The following EPHB2 variants were observed in gnomAD, a reference collection of about 807,000 sequenced individuals.
The protein encoded by EPHB2 is ephrin type-B receptor 2.
Under a neutral mutation model 96.4 loss-of-function variants are expected in EPHB2, and 18 were observed. The observed-to-expected ratio is 0.19, with a 90% CI of 0.13 to 0.28. The LOEUF (loss-of-function observed/expected upper bound fraction) is 0.28. Ranked by LOEUF, EPHB2 falls within the 10% of genes least tolerant of loss-of-function variation. The probability of loss-of-function intolerance (pLI) is 1.00; values close to 1 mark genes in which losing one functional copy is unlikely to be tolerated. For missense variants in EPHB2, 989 were observed against 1,355.4 expected, an observed-to-expected ratio of 0.73 and a Z score of 4.25; for synonymous variants, 506 against 534.1, an observed-to-expected ratio of 0.95 and a Z score of 0.72.
intron 1 of EPHB2, chr1:22,775,172 T>TA (rs1422326175): frequency 1.3e-6 from 1 of 779,570 alleles, no homozygotes; most frequent in Non-Finnish European, 2.4e-6. Flanking sequence ...CATGGCATCT[T>TA]AAAAATAACA....
At chr1:22,785,228 C>G in intron 3 of EPHB2, 152 bp downstream of exon 3, 3 of 998,140 alleles carry the variant, frequency 3.0e-6, no homozygotes, top group Non-Finnish European at 4.3e-6. Context: ...AACCATCGTT[C>G]AGCTTCTTAG....
intron 6 of EPHB2, among the ~76,000 whole-genome samples, chr1:22,891,677 GA>G (rs1409878177): frequency 6.6e-6 from 1 of 152,166 alleles, no homozygotes; most frequent in Non-Finnish European, 1.5e-5. Context: ...TAACATTCAG[GA>G]AGCCAAAATT....
intron 3 of EPHB2, among the ~76,000 whole-genome samples, chr1:22,817,152 C>T (rs531142025): frequency 4.7e-4 from 71 of 152,346 alleles, no homozygotes; most frequent in Admixed American, 1.2e-3. Context: ...ACCAGGCCTG[C>T]TCCCTCCACA....
chr1:22,780,810 C>A (rs139106659), intron 1 of EPHB2, among the ~76,000 whole-genome samples: 10 of 152,226 alleles, frequency 6.6e-5, no homozygotes, highest in Non-Finnish European at 1.5e-4. Flanking sequence ...CTAGACTGGC[C>A]TAGAGGTAGA....
chr1:22,734,972 A>T (rs1643794815), intron 1 of EPHB2, among the ~76,000 whole-genome samples: 1 of 152,196 alleles, frequency 6.6e-6, no homozygotes, highest in African/African-American at 2.4e-5. Flanking sequence ...GATGGTTTAC[A>T]TACATTATCT....
chr1:22,802,126 G>T (rs535913818), intron 3 of EPHB2, among the ~76,000 whole-genome samples: 1 of 152,070 alleles, frequency 6.6e-6, no homozygotes, highest in Non-Finnish European at 1.5e-5. Flanking sequence ...GAGGGGGCCC[G>T]CCCAGTGTTG....
At chr1:22,791,151 C>T (rs1040528522) in intron 3 of EPHB2, among the ~76,000 whole-genome samples, 5 of 151,928 alleles carry the variant, frequency 3.3e-5, no homozygotes, top group African/African-American at 1.2e-4. Context: ...AGATTAAGGA[C>T]TTTTATGAAC....
rs969702593 is a variant in EPHB2, at chr1:22,784,454, C to A, written c.189C>A (p.Asn63Lys). 1.9e-6 allele frequency: 3 copies of A among 1,614,190 alleles called. No individual in the cohort carries two copies. Among genetic ancestry groups the A allele is most frequent in the South Asian group, 1.1e-5 (1 of 91,088 alleles). The part of the protein sequence containing the change: ...MNTIRTYQVC[N>K]VFESSQNNWL... Reference sequence around the variant, plus strand: ...CGATCCGCACGTACCAGGTGTGCAACGTGTTTGAGTCAAGCCAGAACAACT... The same window carrying A: ...CGATCCGCACGTACCAGGTGTGCAAAGTGTTTGAGTCAAGCCAGAACAACT... The change falls in exon 3 of 16, where the codon AAC becomes AAA. Residue 63 changes from asparagine to lysine, a missense_variant. Physicochemically the swap from Asn to Lys is moderately conservative, Grantham distance 94. Coordinates refer to ENST00000374630, the MANE Select transcript of EPHB2 (RefSeq NM_017449.5). This position sits in a 1 kb window ranked among gnomAD's most constrained non-coding sequence, Gnocchi z 5.1.
chr1:22,864,787 G>A, intron 4 of EPHB2, 90 bp from the exon 5 acceptor site: 5 of 799,296 alleles, frequency 6.3e-6, no homozygotes, highest in Non-Finnish European at 1.0e-5. Context: ...CTTTCAGAGG[G>A]GCTGAGCCAG....
chr1:22,794,466 C>T (rs1384459503), intron 3 of EPHB2, among the ~76,000 whole-genome samples: 2 of 152,092 alleles, frequency 1.3e-5, no homozygotes, highest in East Asian at 1.9e-4. Context: ...AATGCTCACC[C>T]GGATGGGCCG....
chr1:22,891,027 G>C (rs945347276), intron 6 of EPHB2: 1 of 454,378 alleles, frequency 2.2e-6, no homozygotes, highest in South Asian at 1.6e-5. Context: ...ATGTCCCTCG[G>C]TATGTGCTTA....
chr1:22,874,618 T>C (rs1371105238), intron 5 of EPHB2, among the ~76,000 whole-genome samples: 1 of 152,118 alleles, frequency 6.6e-6, no homozygotes, highest in Non-Finnish European at 1.5e-5. Context: ...TCTCTTCCTT[T>C]CCTCATTGGT....
In EPHB2 at chr1:22,913,225, C is replaced by G. The variant is rs564592428; in HGVS notation, c.2853-237C>G. 7.3e-5 allele frequency: 43 copies of G among 589,864 alleles called. No individual in the cohort carries two copies. Among genetic ancestry groups the G allele is most frequent in the South Asian group, 2.0e-5 (1 of 50,318 alleles). The allele number at this position is 589,864 out of a possible 1,614,324, so 36.5% of individuals were successfully genotyped here. ...AAAGAAAATGTAAGCTGGCTTCCCC[C>G]TCCCAATAGCAGGGGAGAGAAGGCC... On this transcript the variant is annotated intron_variant, in intron 15 of 15. Coordinates refer to ENST00000374630, the MANE Select transcript of EPHB2 (RefSeq NM_017449.5). This position sits in a 1 kb window ranked among gnomAD's most constrained non-coding sequence, Gnocchi z 4.1.
chr1:22,750,318 A>T (rs887960820), intron 1 of EPHB2, among the ~76,000 whole-genome samples: 1 of 152,132 alleles, frequency 6.6e-6, no homozygotes, highest in Non-Finnish European at 1.5e-5. Context: ...GGAGCAGGAG[A>T]GATGGGCTGG....
chr1:22,826,982 T>C (rs934268149), intron 3 of EPHB2, among the ~76,000 whole-genome samples: 4 of 152,250 alleles, frequency 2.6e-5, no homozygotes, highest in African/African-American at 7.2e-5. Context: ...GACCTCCAGT[T>C]GATCTTTGCT....
At chr1:22,825,955 G>A (rs1215517430) in intron 3 of EPHB2, among the ~76,000 whole-genome samples, 5 of 152,234 alleles carry the variant, frequency 3.3e-5, no homozygotes, top group Non-Finnish European at 5.9e-5. Flanking sequence ...GTCCCAGAGT[G>A]GCTGGGAGCT....
intron 11 of EPHB2, 135 bp downstream of exon 11, chr1:22,907,092 T>G (rs545099050): frequency 1.8e-4 from 227 of 1,248,438 alleles, no homozygotes; most frequent in Admixed American, 9.8e-4. Flanking sequence ...GCTGTCACTT[T>G]CCATTCCCTT....
Position 22,913,575 on chromosome 1 carries a change from C to T in EPHB2, c.*5C>T. ...ATTCAGTCTGTGGAGGTTTGACATT[C>T]ACCTGCCTCGGCTCACCTCTTCCTC... On this transcript the variant is annotated 3_prime_UTR_variant, in exon 16 of 16. Transcript: ENST00000374630. The surrounding 1 kb of genome is among the most constrained non-coding windows in gnomAD (Gnocchi z 4.1). 1 of 1,614,114 alleles carries T rather than the reference C, an allele frequency of 6.2e-7. No individual in the cohort carries two copies. Among genetic ancestry groups the T allele is most frequent in the South Asian group, 1.1e-5 (1 of 91,060 alleles).
intron 3 of EPHB2, among the ~76,000 whole-genome samples, chr1:22,820,071 C>T (rs1570337217): frequency 6.6e-6 from 1 of 152,198 alleles, no homozygotes; most frequent in Middle Eastern, 3.4e-3. Flanking sequence ...GTTGAAACTG[C>T]AAAACAACCC....
Sources: allele counts gnomAD v4.1 joint callset (sites outside exome capture counted in the v4.1 genomes callset), GRCh38; gene constraint gnomAD v4.1.1; non-coding constraint Gnocchi (gnomAD v3.1); transcripts MANE v1.5; gene names NCBI Gene and HGNC (gene_info 2026-07-23, HGNC 2026-07-21).